SND1: variants seen among roughly 807,000 people sequenced by gnomAD.
SND1 encodes staphylococcal nuclease domain-containing protein 1.
SND1 carries 38 observed loss-of-function variants against 121.7 expected under a neutral mutation model. The ratio of observed to expected loss-of-function variants is 0.31; its 90% CI spans 0.24 to 0.41. The LOEUF is 0.41. Ranked by LOEUF, SND1 falls within the 10% of genes least tolerant of loss-of-function variation. The pLI is 1.00. For missense variants in SND1, 868 were observed against 1,184.6 expected (o/e 0.73, Z 3.92); for synonymous variants, 401 against 447.4 (o/e 0.90, Z 1.31).
chr7:127,711,874 C>T (rs1490471141), intron 9 of SND1, among the ~76,000 whole-genome samples: 1 of 150,796 alleles, frequency 6.6e-6, no homozygotes, highest in Non-Finnish European at 1.5e-5. Flanking sequence ...TTCTCTTTTA[C>T]TATTTTAAAA....
At chr7:127,685,132 A>G (rs537693771) in intron 1 of SND1, among the ~76,000 whole-genome samples, 10 of 152,242 alleles carry the variant, frequency 6.6e-5, no homozygotes, top group African/African-American at 2.4e-4. Flanking sequence ...GGTTGCTCAG[A>G]TGTTTTACTT....
chr7:127,797,502 A>G (rs1030402833), intron 10 of SND1, among the ~76,000 whole-genome samples: 7 of 152,204 alleles, frequency 4.6e-5, no homozygotes, highest in Non-Finnish European at 8.8e-5. Context: ...GAAAAGTAGC[A>G]TAGACTTCAT....
intron 10 of SND1, among the ~76,000 whole-genome samples, chr7:127,739,519 T>C (rs959434778): frequency 4.6e-5 from 7 of 152,218 alleles, no homozygotes; most frequent in African/African-American, 1.7e-4. Context: ...CAAGGATTAC[T>C]TGGAGCTTTC....
chr7:127,730,669 C>T (rs1443547064), intron 10 of SND1, among the ~76,000 whole-genome samples: 1 of 152,044 alleles, frequency 6.6e-6, no homozygotes, highest in Non-Finnish European at 1.5e-5. Flanking sequence ...TTTTTTTCTC[C>T]TTCTCTACTC....
intron 16 of SND1, chr7:127,997,615 A>T: frequency 4.3e-6 from 2 of 465,016 alleles, no homozygotes; most frequent in South Asian, 3.4e-5. Context: ...GCATTTGTTT[A>T]AAAAATATAA....
chr7:127,708,787 T>A (rs1796249827), intron 9 of SND1, among the ~76,000 whole-genome samples: 1 of 152,250 alleles, frequency 6.6e-6, no homozygotes, highest in African/African-American at 2.4e-5. Context: ...CCAGCCTATT[T>A]TTACTTTTGC....
Position 127,958,298 on chromosome 7 carries a change from G to A in SND1, c.1669+28969G>A, listed in dbSNP as rs748619192. Among the ~76,000 whole-genome samples, 14 of 152,304 alleles carry A rather than the reference G, an allele frequency of 9.2e-5. No individual in the cohort carries two copies. The South Asian group carries it at 1.7e-3, about 18-fold the overall frequency. On this transcript the variant is annotated intron_variant, in intron 15 of 23. Transcript: ENST00000354725. ...ACTTAATGTTTACCAATGCTGTTACGTGCTTCATAGTAAATTATCTGATTT... is the reference window on the plus strand; with the variant it reads ...ACTTAATGTTTACCAATGCTGTTACATGCTTCATAGTAAATTATCTGATTT...
intron 9 of SND1, chr7:127,718,477 T>C (rs1377091113): frequency 6.1e-6 from 4 of 651,316 alleles, no homozygotes; most frequent in East Asian, 1.4e-4. Flanking sequence ...ACCCCACTTA[T>C]ACACACACGC....
Position 128,092,227 on chromosome 7 carries a change from C to T in SND1, c.*169C>T. Reference sequence around the variant, plus strand: ...GGCATCGGGGCTGCGGGGTGGGGACCCCAAGGCTTTCTGGGGCAGACCCTT... The same window carrying T: ...GGCATCGGGGCTGCGGGGTGGGGACTCCAAGGCTTTCTGGGGCAGACCCTT... On this transcript the variant is annotated 3_prime_UTR_variant, in exon 24 of 24. Transcript: ENST00000354725. The surrounding 1 kb of genome is among the most constrained non-coding windows in gnomAD (Gnocchi z 4.9). 1 of 666,142 alleles carries T rather than the reference C, an allele frequency of 1.5e-6. No homozygotes were observed. 41.3% of individuals were successfully genotyped at this position (666,142 alleles called of 1,614,324 possible). A position where few individuals can be genotyped will look rare whatever the true frequency, so the allele number is the denominator to read the frequency against.
intron 10 of SND1, among the ~76,000 whole-genome samples, chr7:127,803,066 A>G (rs1055843677): frequency 1.3e-5 from 2 of 152,188 alleles, no homozygotes; most frequent in African/African-American, 4.8e-5. Flanking sequence ...TTTCAACACA[A>G]AAGGCAAAAT....
In SND1 at chr7:127,991,065, T is replaced by G. The variant is rs761750807; in HGVS notation, c.1779+9T>G. The G allele has an allele frequency of 4.4e-6, 7 of 1,601,462 alleles. No individual in the cohort carries two copies. Among genetic ancestry groups the G allele is most frequent in the Non-Finnish European group, 2.6e-6 (3 of 1,169,360 alleles). On this transcript the variant is annotated intron_variant, in intron 16 of 23. Coordinates refer to ENST00000354725, the MANE Select transcript of SND1 (RefSeq NM_014390.4). ...TGGTGCTGCAGCGAGAGGTAGGACA[T>G]CTTCCTGTTGCTTCTTCTGTGAGGA...
intron 15 of SND1, among the ~76,000 whole-genome samples, chr7:127,944,772 A>G (rs1379278310): frequency 6.6e-6 from 1 of 152,214 alleles, no homozygotes; most frequent in East Asian, 1.9e-4. Flanking sequence ...GACCAAGACC[A>G]GAAAAGGTCT....
At chr7:128,028,836 T>C (rs1306476357) in intron 16 of SND1, 2 of 1,614,178 alleles carry the variant, frequency 1.2e-6, no homozygotes, top group Non-Finnish European at 1.7e-6. Flanking sequence ...AATATGGTCA[T>C]GAATTGTGGG....
chr7:127,964,236 T>C (rs1415911835), intron 15 of SND1, among the ~76,000 whole-genome samples: 1 of 151,680 alleles, frequency 6.6e-6, no homozygotes, highest in Non-Finnish European at 1.5e-5. Context: ...TTTCTTTTGC[T>C]GTGCAGAAGC....
At chr7:127,726,141 C>T (rs553129767) in intron 10 of SND1, among the ~76,000 whole-genome samples, 10 of 152,334 alleles carry the variant, frequency 6.6e-5, no homozygotes, top group Admixed American at 1.3e-4. Context: ...CTTGGACAAA[C>T]ACTGTGATCA....
chr7:127,836,579 G>A (rs556319473), intron 11 of SND1, among the ~76,000 whole-genome samples: 4 of 152,140 alleles, frequency 2.6e-5, no homozygotes, highest in Non-Finnish European at 5.9e-5. Flanking sequence ...GCTCAAAGAT[G>A]TCCTGATGGA....
At chr7:127,676,290 A>G (rs560343843) in intron 1 of SND1, among the ~76,000 whole-genome samples, 2 of 152,172 alleles carry the variant, frequency 1.3e-5, no homozygotes, top group African/African-American at 2.4e-5. Flanking sequence ...GGGAAGAGAG[A>G]TTAATGTTCC....
intron 14 of SND1, among the ~76,000 whole-genome samples, chr7:127,924,247 T>G (rs936283965): frequency 1.3e-5 from 2 of 152,194 alleles, no homozygotes; most frequent in African/African-American, 4.8e-5. Context: ...TAGAGTATAC[T>G]TCCCCAGTAA....
At chr7:127,695,704 T>G (rs1795994144) in intron 3 of SND1, among the ~76,000 whole-genome samples, 1 of 152,068 alleles carries the variant, frequency 6.6e-6, no homozygotes, top group Admixed American at 6.5e-5. Flanking sequence ...CGCACGCCTG[T>G]AGTCGTAGCT....
Sources: allele counts gnomAD v4.1 joint callset (sites outside exome capture counted in the v4.1 genomes callset), GRCh38; gene constraint gnomAD v4.1.1; non-coding constraint Gnocchi (gnomAD v3.1); transcripts MANE v1.5; gene names NCBI Gene and HGNC (gene_info 2026-07-23, HGNC 2026-07-21).